GABRG3: variants seen among roughly 807,000 people sequenced by gnomAD.
GABRG3 encodes gamma-aminobutyric acid receptor subunit gamma-3.
GABRG3 carries 25 observed loss-of-function variants against 48.8 expected under a neutral mutation model. The observed-to-expected ratio is 0.51, with a 90% CI of 0.37 to 0.72. The LOEUF is 0.72. GABRG3 is among the 30% of genes least tolerant of loss of function. The pLI is 0.00. For synonymous variants in GABRG3, 227 were observed against 217.6 expected (o/e 1.04, Z -0.38); for missense variants, 394 against 577.9 (o/e 0.68, Z 3.26).
At chr15:27,089,084 G>A (rs192731198) in intron 3 of GABRG3, among the ~76,000 whole-genome samples, 7 of 152,282 alleles carry the variant, frequency 4.6e-5, no homozygotes, top group African/African-American at 1.7e-4. Context: ...GCAATGACCA[G>A]GCACATCCTC....
intron 3 of GABRG3, among the ~76,000 whole-genome samples, chr15:27,252,358 T>C (rs1278743544): frequency 6.6e-6 from 1 of 151,946 alleles, no homozygotes; most frequent in African/African-American, 2.4e-5. Flanking sequence ...AGTCCTTCTG[T>C]GTCAGCACTA....
intron 5 of GABRG3, chr15:27,365,995 G>T (rs553465918): frequency 6.6e-6 from 1 of 152,196 alleles, no homozygotes; most frequent in Non-Finnish European, 1.5e-5. Context: ...ATGGAAGAAG[G>T]TTCCCCTTTA....
intron 5 of GABRG3, among the ~76,000 whole-genome samples, chr15:27,431,252 A>G (rs551080660): frequency 2.0e-5 from 3 of 152,050 alleles, no homozygotes; most frequent in Non-Finnish European, 4.4e-5. Flanking sequence ...TTGGAATAAG[A>G]TTTCCAGTTT....
chr15:27,315,522 G>A (rs1010746979), intron 3 of GABRG3, among the ~76,000 whole-genome samples: 4 of 152,172 alleles, frequency 2.6e-5, no homozygotes, highest in African/African-American at 9.7e-5. Flanking sequence ...TTAGGAAAAC[G>A]TATTATATAG....
intron 3 of GABRG3, among the ~76,000 whole-genome samples, chr15:27,121,467 T>C (rs899068057): frequency 6.6e-6 from 1 of 152,218 alleles, no homozygotes; most frequent in Non-Finnish European, 1.5e-5. Flanking sequence ...ACCTAAGTTA[T>C]TCAGTCAATA....
chr15:27,473,679 G>T (rs932694572), intron 5 of GABRG3, among the ~76,000 whole-genome samples: 1 of 152,110 alleles, frequency 6.6e-6, no homozygotes, highest in African/African-American at 2.4e-5. Flanking sequence ...GATAAGTCAG[G>T]TAATAGATGA....
At chr15:27,372,009 T>A (rs1315788329) in intron 5 of GABRG3, among the ~76,000 whole-genome samples, 1 of 152,208 alleles carries the variant, frequency 6.6e-6, no homozygotes, top group Non-Finnish European at 1.5e-5. Flanking sequence ...TTGCTTTTAC[T>A]GTAATTAATA....
In GABRG3 at chr15:27,313,260, G is replaced by GTA. The variant is rs1391208486; in HGVS notation, c.271-13548_271-13547insAT. On this transcript the variant is annotated intron_variant, in intron 3 of 9. Transcript: ENST00000615808. ...TATATATGTGTGTGTGTGTGTGTGT[G>GTA]TGTATATATATATATATATATATAT... 7.2e-3 allele frequency among the ~76,000 whole-genome samples: 356 copies of GTA among 49,510 alleles called. 18 individuals are homozygous for GTA. The highest frequency in any genetic ancestry group is 0.027 in the African/African-American group (305 of 11,260). The allele number at this position is 49,510 out of a possible 152,430, so 32.5% of individuals were successfully genotyped here. A position where few individuals can be genotyped will look rare whatever the true frequency, so the allele number is the denominator to read the frequency against.
At chr15:27,432,536 C>T (rs1388913229) in intron 5 of GABRG3, among the ~76,000 whole-genome samples, 2 of 152,180 alleles carry the variant, frequency 1.3e-5, no homozygotes, top group Admixed American at 6.5e-5. Flanking sequence ...TGCCTGATCA[C>T]CTCAGAGAGG....
At chr15:27,403,927 A>T (rs1315011283) in intron 5 of GABRG3, among the ~76,000 whole-genome samples, 1 of 125,136 alleles carries the variant, frequency 8.0e-6, no homozygotes, top group Non-Finnish European at 1.6e-5. Context: ...AAAAAAAAAA[A>T]ACAAAAAAAA....
chr15:27,264,483 A>G (rs1480224878), intron 3 of GABRG3, among the ~76,000 whole-genome samples: 1 of 152,080 alleles, frequency 6.6e-6, no homozygotes, highest in East Asian at 1.9e-4. Flanking sequence ...CTCAAAACCT[A>G]TAGTCTACTT....
Position 27,534,012 on chromosome 15 carries a change from AT to A in GABRG3, c.*1136del, listed in dbSNP as rs1284896261. 4 of 151,366 alleles carry A rather than the reference AT, an allele frequency of 2.6e-5. No homozygotes were observed. The highest frequency in any genetic ancestry group is 7.3e-5 in the African/African-American group (3 of 41,136). The allele number at this position is 151,366 out of a possible 1,614,324, so 9.4% of individuals were successfully genotyped here. ...GCTACCACACCCGGCTAATTTTTGT[AT>A]TTTTGTTTTTTGTTTTTTGGGTTTT... On this transcript the variant is annotated 3_prime_UTR_variant, in exon 10 of 10. Coordinates refer to ENST00000615808, the MANE Select transcript of GABRG3 (RefSeq NM_033223.5).
chr15:27,209,430 C>G (rs1236826518), intron 3 of GABRG3, among the ~76,000 whole-genome samples: 1 of 151,168 alleles, frequency 6.6e-6, no homozygotes, highest in Non-Finnish European at 1.5e-5. Context: ...TCTTCTGTTG[C>G]CCAGGCTGGA....
intron 5 of GABRG3, among the ~76,000 whole-genome samples, chr15:27,391,444 T>A (rs1191958301): frequency 6.6e-6 from 1 of 152,140 alleles, no homozygotes; most frequent in African/African-American, 2.4e-5. Context: ...GTTCTGCACT[T>A]CATTTTCAGG....
At chr15:27,013,631 T>C (rs1895727455) in intron 2 of GABRG3, among the ~76,000 whole-genome samples, 1 of 152,106 alleles carries the variant, frequency 6.6e-6, no homozygotes, top group African/African-American at 2.4e-5. Context: ...ACTGTCCTTT[T>C]CTCATTTTGT....
chr15:27,185,092 T>C (rs1888050549), intron 3 of GABRG3, among the ~76,000 whole-genome samples: 1 of 152,126 alleles, frequency 6.6e-6, no homozygotes, highest in South Asian at 2.1e-4. Context: ...TTTATTTTGC[T>C]CTTCTTTTTC....
At chr15:27,034,883 T>C (rs1273903587) in intron 3 of GABRG3, among the ~76,000 whole-genome samples, 1 of 152,220 alleles carries the variant, frequency 6.6e-6, no homozygotes, top group Admixed American at 6.5e-5. Context: ...CTGTCTTCAG[T>C]TCACAATTTC....
intron 2 of GABRG3, among the ~76,000 whole-genome samples, chr15:27,015,581 G>T (rs1051850818): frequency 1.3e-5 from 2 of 151,582 alleles, no homozygotes; most frequent in Non-Finnish European, 2.9e-5. Context: ...TAGAGACGGG[G>T]TTTCACCGTG....
intron 3 of GABRG3, among the ~76,000 whole-genome samples, chr15:27,224,125 A>G (rs893563845): frequency 6.6e-6 from 1 of 152,140 alleles, no homozygotes; most frequent in Non-Finnish European, 1.5e-5. Context: ...GTGGCCTCCA[A>G]CTTCCCGGGC....
Sources: allele counts gnomAD v4.1 joint callset (sites outside exome capture counted in the v4.1 genomes callset), GRCh38; gene constraint gnomAD v4.1.1; transcripts MANE v1.5; gene names NCBI Gene and HGNC (gene_info 2026-07-23, HGNC 2026-07-21).